Variants in PTPRD observed in about 807,000 individuals in gnomAD.
The protein encoded by PTPRD is protein tyrosine phosphatase receptor type D, also known as receptor-type tyrosine-protein phosphatase delta.
PTPRD carries 34 observed loss-of-function variants against 214.5 expected under a neutral mutation model. The observed-to-expected ratio is 0.16, with a 90% CI of 0.12 to 0.21. PTPRD has a LOEUF of 0.21. Among genes scored for constraint, PTPRD ranks in the 10% least tolerant of loss-of-function variants. The pLI is 1.00. For synonymous variants in PTPRD, 1,128 were observed against 845.7 expected (o/e 1.33, Z -5.79); for missense variants, 2,545 against 2,398.7 (o/e 1.06, Z -1.27).
intron 7 of PTPRD, among the ~76,000 whole-genome samples, chr9:9,643,199 A>C (rs1315791467): frequency 6.6e-6 from 1 of 152,186 alleles, no homozygotes; most frequent in Admixed American, 6.5e-5. Flanking sequence ...TGTCCTTTGC[A>C]AAATCCTGTA....
chr9:10,458,760 A>G lies in PTPRD; in HGVS notation c.-599-117743T>C, dbSNP rs562170748. Among the ~76,000 whole-genome samples the G allele has an allele frequency of 2.0e-5, 3 of 151,846 alleles. No homozygotes were observed. In the East Asian group the frequency reaches 6.0e-4, roughly 30 times the overall value. On this transcript the variant is annotated intron_variant, in intron 2 of 45. Transcript: ENST00000381196. Reference sequence around the variant, plus strand: ...AAGAAGAAAAATTATCTGTATTTGCAAATGATACCCTTTATGTAGAAAACG... The same window carrying G: ...AAGAAGAAAAATTATCTGTATTTGCGAATGATACCCTTTATGTAGAAAACG...
intron 2 of PTPRD, among the ~76,000 whole-genome samples, chr9:10,368,837 T>C (rs561884543): frequency 6.6e-6 from 1 of 152,226 alleles, no homozygotes; most frequent in Non-Finnish European, 1.5e-5. Context: ...TACTGATTCA[T>C]AGAAGGACCT....
intron 9 of PTPRD, among the ~76,000 whole-genome samples, chr9:9,309,966 A>T (rs894683736): frequency 1.3e-4 from 20 of 152,034 alleles, no homozygotes; most frequent in Non-Finnish European, 7.4e-5. Context: ...TTTCCCTTAC[A>T]TAGGATTAAG....
At chr9:9,573,019 A>G (rs1291040979) in intron 8 of PTPRD, among the ~76,000 whole-genome samples, 2 of 151,582 alleles carry the variant, frequency 1.3e-5, no homozygotes, top group African/African-American at 4.8e-5. Context: ...AACAAAATAC[A>G]TACATGTGTT....
At chr9:10,612,204 C>CT (rs1169734649) in intron 2 of PTPRD, among the ~76,000 whole-genome samples, 194 bp downstream of exon 2, 2 of 76,966 alleles carry the variant, frequency 2.6e-5, no homozygotes, top group African/African-American at 8.4e-5. Context: ...TCTAAGGGCT[C>CT]TTCCAAAAAA....
At chr9:10,001,357 A>G (rs892780136) in intron 4 of PTPRD, among the ~76,000 whole-genome samples, 10 of 152,180 alleles carry the variant, frequency 6.6e-5, no homozygotes, top group Non-Finnish European at 7.4e-5. Context: ...ATTTGAAGAT[A>G]TAATAGTCAA....
chr9:10,153,250 C>T (rs1165448198), intron 3 of PTPRD, among the ~76,000 whole-genome samples: 5 of 151,786 alleles, frequency 3.3e-5, no homozygotes, highest in Admixed American at 6.6e-5. Flanking sequence ...ACATACATCA[C>T]AATATCACAT....
intron 2 of PTPRD, among the ~76,000 whole-genome samples, chr9:10,608,464 C>T (rs1259617108): frequency 1.3e-5 from 2 of 151,968 alleles, no homozygotes; most frequent in African/African-American, 2.4e-5. Context: ...CACTGCTGAC[C>T]TGACTTCAGG....
intron 9 of PTPRD, among the ~76,000 whole-genome samples, chr9:9,245,130 G>C (rs909106277): frequency 1.3e-5 from 2 of 152,114 alleles, no homozygotes; most frequent in Non-Finnish European, 2.9e-5. Context: ...TAAAATGTCA[G>C]GTAACAACAG....
intron 4 of PTPRD, among the ~76,000 whole-genome samples, chr9:9,958,100 A>T (rs1457884203): frequency 6.6e-6 from 1 of 152,232 alleles, no homozygotes; most frequent in East Asian, 1.9e-4. Flanking sequence ...AAACACCTAA[A>T]TATTAAATCA....
At chr9:8,527,909 A>C (rs1806817483) in intron 15 of PTPRD, among the ~76,000 whole-genome samples, 2 of 152,286 alleles carry the variant, frequency 1.3e-5, no homozygotes, top group Admixed American at 1.3e-4. Flanking sequence ...ACTGTGGCTA[A>C]TGTGTAGAAA....
intron 11 of PTPRD, among the ~76,000 whole-genome samples, chr9:8,929,866 C>T (rs373377183): frequency 0.032 from 1,195 of 37,276 alleles, 146 homozygotes; most frequent in East Asian, 0.18. Context: ...TGTGTATATA[C>T]ATGTGTGTGT....
intron 7 of PTPRD, among the ~76,000 whole-genome samples, chr9:9,712,585 G>A (rs1361682066): frequency 6.6e-6 from 1 of 152,084 alleles, no homozygotes; most frequent in Non-Finnish European, 1.5e-5. Flanking sequence ...ATGGCAGACG[G>A]CAGATCTTGC....
intron 2 of PTPRD, among the ~76,000 whole-genome samples, chr9:10,387,924 G>A (rs1428814308): frequency 7.5e-6 from 1 of 134,018 alleles, no homozygotes; most frequent in African/African-American, 2.8e-5. Context: ...GCCTCCCAAA[G>A]TGCTGGAATT....
chr9:9,427,437 T>C lies in PTPRD; in HGVS notation c.-236-29955A>G, dbSNP rs139772013. ...GTGAAAAGACCAAATCTACGTCTGA[T>C]TGGTGTACGTAAAAGTGACAGGGAG... On this transcript the variant is annotated intron_variant, in intron 8 of 45. Transcript: ENST00000381196. Among the ~76,000 whole-genome samples, 460 of 152,248 alleles carry C rather than the reference T, an allele frequency of 3.0e-3. 1 individual carries two copies. Among genetic ancestry groups the C allele is most frequent in the African/African-American group, 0.01 (430 of 41,538 alleles).
At chr9:10,477,166 A>G (rs140361680) in intron 2 of PTPRD, among the ~76,000 whole-genome samples, 4 of 152,198 alleles carry the variant, frequency 2.6e-5, no homozygotes, top group Admixed American at 2.6e-4. Flanking sequence ...TCTGCACAGC[A>G]AAAGAAACTA....
intron 11 of PTPRD, among the ~76,000 whole-genome samples, chr9:8,928,156 T>C (rs1002092176): frequency 2.6e-5 from 4 of 152,192 alleles, no homozygotes; most frequent in African/African-American, 9.6e-5. Context: ...GTAGGTTGAC[T>C]GTTTACTCTG....
At chr9:8,754,222 C>T (rs73419285) in intron 11 of PTPRD, among the ~76,000 whole-genome samples, 7,692 of 152,180 alleles carry the variant, frequency 0.051, 479 homozygotes, top group African/African-American at 0.15. Flanking sequence ...CCAATATAAA[C>T]TTCAGCATAC....
intron 12 of PTPRD, among the ~76,000 whole-genome samples, chr9:8,663,417 AG>A (rs1305607371): frequency 6.7e-6 from 1 of 150,272 alleles, no homozygotes. Context: ...ACTGAATGTT[AG>A]GTGGGAAATT....
Sources: allele counts gnomAD v4.1 joint callset (sites outside exome capture counted in the v4.1 genomes callset), GRCh38; gene constraint gnomAD v4.1.1; transcripts MANE v1.5; gene names NCBI Gene and HGNC (gene_info 2026-07-23, HGNC 2026-07-21).